Variants in ADAMTS10 observed in about 807,000 individuals in gnomAD.
ADAMTS10 encodes the protein A disintegrin and metalloproteinase with thrombospondin motifs 10.
Under a neutral mutation model 135.9 loss-of-function variants are expected in ADAMTS10, and 48 were observed. The ratio of observed to expected loss-of-function variants is 0.35; its 90% CI spans 0.28 to 0.45. The LOEUF (loss-of-function observed/expected upper bound fraction) is 0.45, where lower values mean the gene tolerates loss of function less well. Among genes scored for constraint, ADAMTS10 ranks in the 20% least tolerant of loss-of-function variants. ADAMTS10 has a pLI of 1.00. For synonymous variants in ADAMTS10, 621 were observed against 647.5 expected (o/e 0.96, Z 0.62); for missense variants, 1,131 against 1,565.2 (o/e 0.72, Z 4.68).
At chr19:8,606,409 CT>C (rs1555742619) in intron 2 of ADAMTS10, among the ~76,000 whole-genome samples, 2 of 152,086 alleles carry the variant, frequency 1.3e-5, no homozygotes, top group Non-Finnish European at 2.9e-5. Context: ...GGTCATCACG[CT>C]CTTTTTTTTG....
chr19:8,606,645 C>T (rs887084916), intron 2 of ADAMTS10, among the ~76,000 whole-genome samples: 4 of 152,178 alleles, frequency 2.6e-5, no homozygotes, highest in African/African-American at 9.7e-5. Flanking sequence ...TCGCATCACA[C>T]TCGTATCCCT....
At chr19:8,581,132 T>TCC in intron 25 of ADAMTS10, 130 bp from the exon 26 acceptor site, 1 of 44,740 alleles carries the variant, frequency 2.2e-5, no homozygotes. Context: ...TAAATTTACT[T>TCC]TTTTTTTTTT....
At chr19:8,591,768 C>T in intron 15 of ADAMTS10, 32 bp downstream of exon 15, 1 of 1,612,638 alleles carries the variant, frequency 6.2e-7, no homozygotes, top group Non-Finnish European at 8.5e-7. Flanking sequence ...TGCTTCCTCC[C>T]CCCACCCCTC....
At position 8,581,130 on chromosome 19, in the gene ADAMTS10, CTTTTTTTTTTTTTT is replaced by C. The variant is rs369050914; in HGVS notation, c.3203-142_3203-129del. 2.7e-3 allele frequency: 398 copies of C among 147,192 alleles called. 5 individuals carry two copies. Among genetic ancestry groups the C allele is most frequent in the Middle Eastern group, 0.011 (5 of 448 alleles). The allele number at this position is 147,192 out of a possible 1,614,324, so 9.1% of individuals were successfully genotyped here. A position where few individuals can be genotyped will look rare whatever the true frequency, so the allele number is the denominator to read the frequency against. On this transcript the variant is annotated intron_variant, in intron 25 of 25. Transcript: ENST00000597188. ...CTTGGTTTCTTTCTTTTTAAATTTA[CTTTTTTTTTTTTTT>C]TTTTTTTTTTTTTTTACAGATGTTA... is the stretch of plus-strand genomic sequence containing the variant.
chr19:8,604,657 T>C (rs114883525), intron 4 of ADAMTS10, among the ~76,000 whole-genome samples: 3,067 of 151,436 alleles, frequency 0.02, 99 homozygotes, highest in African/African-American at 0.07. Context: ...AATTTTTATA[T>C]GTATTTTTAG....
chr19:8,582,240 C>T (rs555755922), intron 25 of ADAMTS10, among the ~76,000 whole-genome samples: 19 of 152,180 alleles, frequency 1.2e-4, no homozygotes, highest in East Asian at 7.7e-4. Context: ...GAGGCTGAGT[C>T]GGGCGGATCA....
At chr19:8,595,718 G>GCCCCCC in intron 12 of ADAMTS10, 44 bp downstream of exon 12, 1 of 1,403,570 alleles carries the variant, frequency 7.1e-7, no homozygotes, top group East Asian at 2.7e-5. Flanking sequence ...AGCCCCAGCG[G>GCCCCCC]CCCCCTCCCC....
At chr19:8,583,076 G>A (rs1381028355) in intron 25 of ADAMTS10, among the ~76,000 whole-genome samples, 1 of 151,954 alleles carries the variant, frequency 6.6e-6, no homozygotes, top group African/African-American at 2.4e-5. Flanking sequence ...GAGCCACCTC[G>A]CCCGGCCTGG....
rs376818071 is a variant in ADAMTS10 at position 8,596,552 on chromosome 19, G to T, written c.1074C>A (p.Cys358Ter). The change falls in exon 9 of 26, where the codon TGC (cysteine) becomes TGA (stop). Residue 358 changes from cysteine to a stop codon, truncating the protein, a stop_gained. Coordinates refer to ENST00000597188, the MANE Select transcript of ADAMTS10 (RefSeq NM_030957.4). LOFTEE classifies it high-confidence loss of function. The surrounding 1 kb of genome is among the most constrained non-coding windows in gnomAD (Gnocchi z 7.2). ...ACGGGGCTCGGGTACCTAGTGTGCC[G>T]CAGGGTTTGTTCTTGTAGATGCAGA... is the stretch of plus-strand genomic sequence containing the variant. ...YDICIYKNKPCGTLGLAPVGG... is the reference protein window; with the variant it reads ...YDICIYKNKP 1 of 1,613,782 alleles carries T rather than the reference G, an allele frequency of 6.2e-7. No homozygotes were observed. The highest frequency in any genetic ancestry group is 2.2e-5 in the East Asian group (1 of 44,866).
chr19:8,599,721 TG>T (rs782307921), intron 6 of ADAMTS10, among the ~76,000 whole-genome samples: 5 of 151,658 alleles, frequency 3.3e-5, no homozygotes, highest in Non-Finnish European at 7.3e-5. Context: ...GTGATCCTCC[TG>T]CCTCAGCTTC....
At chr19:8,598,937 G>T (rs1259431020) in intron 6 of ADAMTS10, among the ~76,000 whole-genome samples, 1 of 152,030 alleles carries the variant, frequency 6.6e-6, no homozygotes, top group Non-Finnish European at 1.5e-5. Flanking sequence ...ACAACTGAGG[G>T]CCATCAGAGA....
Position 8,605,643 on chromosome 19 carries a change from G to A in ADAMTS10, c.68C>T (p.Thr23Met), listed in dbSNP as rs376131325. 95 of 1,613,640 alleles carry A rather than the reference G, an allele frequency of 5.9e-5. 1 individual carries two copies. Among genetic ancestry groups the A allele is most frequent in the East Asian group, 4.5e-4 (20 of 44,850 alleles). The change falls in exon 3 of 26, where the codon ACG (threonine) becomes ATG (methionine). Residue 23 changes from threonine (T) to methionine (M), a missense_variant. By Grantham distance (81) the Thr-to-Met change is moderately conservative (BLOSUM62 -1). Transcript: ENST00000597188. The surrounding 1 kb of genome is among the most constrained non-coding windows in gnomAD (Gnocchi z 7.7). ...CCTACCTTGAGACCGGAAGGCGTGC[G>A]TGACCTCGAACATGAGGCCCAGCCC... ...ALGLGLMFEV[T>M]HAFRSQDEFL...
At position 8,603,790 on chromosome 19, in the gene ADAMTS10, T is replaced by C. The variant is rs2042691200; in HGVS notation, c.530A>G (p.His177Arg). Residue 177 changes from histidine to arginine, a missense_variant, in exon 5 of 26, where the codon CAT (histidine) becomes CGT (arginine). Transcript: ENST00000597188. The part of the protein sequence containing the change: ...GSRSPEESGP[H>R]VVYKRSSLRH... ...CAGAGAGGAACGCTTGTACACCACA[T>C]GTGGTCCACTTTCCTCCGGGCTCCG... 6.2e-7 allele frequency: 1 copy of C among 1,614,134 alleles called. No homozygotes were observed. Among genetic ancestry groups the C allele is most frequent in the Non-Finnish European group, 8.5e-7 (1 of 1,180,030 alleles).
intron 22 of ADAMTS10, 95 bp from the exon 23 acceptor site, chr19:8,585,755 A>C: frequency 3.1e-6 from 4 of 1,274,126 alleles, no homozygotes; most frequent in Non-Finnish European, 4.4e-6. Flanking sequence ...CCTTCCAATC[A>C]CCCAGCCTCA....
At position 8,605,151 on chromosome 19, in the gene ADAMTS10, G is replaced by A. The variant is rs1568407350; in HGVS notation, c.296C>T (p.Ala99Val). 1.9e-5 allele frequency: 31 copies of A among 1,613,850 alleles called. No individual in the cohort carries two copies. Among genetic ancestry groups the A allele is most frequent in the Non-Finnish European group, 2.5e-5 (30 of 1,179,952 alleles). Residue 99 changes from alanine to valine, a missense_variant, in exon 4 of 26, where the codon GCA becomes GTA. Coordinates refer to ENST00000597188, the MANE Select transcript of ADAMTS10 (RefSeq NM_030957.4). The surrounding 1 kb of genome is among the most constrained non-coding windows in gnomAD (Gnocchi z 7.7). ...LNLTRSSRLL[A>V]GHVSVEYWTR... ...CCAGTACTCCACGGAGACGTGCCCTGCCAGTAGACGGGAGCTGCGGGTCAG... is the reference window on the plus strand; with the variant it reads ...CCAGTACTCCACGGAGACGTGCCCTACCAGTAGACGGGAGCTGCGGGTCAG...
Position 8,591,825 on chromosome 19 carries a change from C to T in ADAMTS10, c.1772G>A (p.Arg591Lys), listed in dbSNP as rs1555738981. 1 of 1,613,878 alleles carries T rather than the reference C, an allele frequency of 6.2e-7. No individual in the cohort carries two copies. The highest frequency in any genetic ancestry group is 1.1e-5 in the South Asian group (1 of 91,084). The change falls in exon 15 of 26, where the codon AGG (arginine) becomes AAG (lysine). Residue 591 changes from arginine (R) to lysine (K), a missense_variant. Physicochemically the swap from Arg to Lys is conservative, Grantham distance 26 (BLOSUM62 2). Coordinates refer to ENST00000597188, the MANE Select transcript of ADAMTS10 (RefSeq NM_030957.4). Reference protein sequence around the residue: ...IGGKYCLGERRRHRSCNTDDC... With the variant: ...IGGKYCLGERKRHRSCNTDDC... Reference sequence around the variant, plus strand: ...ATCCGTGTTGCAGGAGCGGTGCCGCCTTCTCTCACCCAGACAGTACTTGCC... The same window carrying T: ...ATCCGTGTTGCAGGAGCGGTGCCGCTTTCTCTCACCCAGACAGTACTTGCC...
intron 6 of ADAMTS10, among the ~76,000 whole-genome samples, 198 bp downstream of exon 6, chr19:8,600,730 C>T (rs563570715): frequency 2.6e-5 from 4 of 152,090 alleles, no homozygotes; most frequent in South Asian, 2.1e-4. Flanking sequence ...CATCTCCTGA[C>T]CTTGTGATCT....
chr19:8,581,908 G>A (rs1555735968), intron 25 of ADAMTS10, among the ~76,000 whole-genome samples: 1 of 151,260 alleles, frequency 6.6e-6, no homozygotes, highest in African/African-American at 2.4e-5. Context: ...GCATGTGCCT[G>A]TAGTCCCAGC....
At chr19:8,594,102 G>A (rs530407064) in intron 12 of ADAMTS10, among the ~76,000 whole-genome samples, 9 of 152,242 alleles carry the variant, frequency 5.9e-5, no homozygotes, top group African/African-American at 1.9e-4. Context: ...CAGTCCTGTC[G>A]CAATCCCACT....
Sources: allele counts gnomAD v4.1 joint callset (sites outside exome capture counted in the v4.1 genomes callset), GRCh38; gene constraint gnomAD v4.1.1; non-coding constraint Gnocchi (gnomAD v3.1); transcripts MANE v1.5; gene names NCBI Gene and HGNC (gene_info 2026-07-23, HGNC 2026-07-21).